SLC16A1: variants seen among roughly 807,000 people sequenced by gnomAD.
The protein encoded by SLC16A1 is monocarboxylate transporter 1.
SLC16A1 carries 11 observed loss-of-function variants against 32.2 expected under a neutral mutation model. The ratio of observed to expected loss-of-function variants is 0.34; its 90% CI spans 0.21 to 0.56. The LOEUF is 0.56. Ranked by LOEUF, SLC16A1 falls within the 20% of genes least tolerant of loss-of-function variation. The pLI is 0.87. For synonymous variants in SLC16A1, 231 were observed against 226.8 expected (o/e 1.02, Z -0.17); for missense variants, 435 against 615.0 (o/e 0.71, Z 3.10).
chr1:112,938,564 G>T (rs1473225849), intron 1 of SLC16A1, among the ~76,000 whole-genome samples: 2 of 152,114 alleles, frequency 1.3e-5, no homozygotes, highest in Non-Finnish European at 2.9e-5. Context: ...TGCATATAAA[G>T]AATCTTAAAA....
intron 1 of SLC16A1, among the ~76,000 whole-genome samples, chr1:112,943,706 T>C (rs1028126885): frequency 6.7e-6 from 1 of 149,116 alleles, no homozygotes; most frequent in African/African-American, 2.5e-5. Flanking sequence ...GAGAATCACT[T>C]GAACTCAGGA....
intron 1 of SLC16A1, chr1:112,955,813 G>C (rs1346728463): frequency 6.6e-6 from 1 of 152,280 alleles, no homozygotes; most frequent in African/African-American, 2.4e-5. Flanking sequence ...GGGGCCCGCG[G>C]CTCGGCTAAG....
intron 4 of SLC16A1, among the ~76,000 whole-genome samples, chr1:112,915,058 T>C (rs566600121): frequency 7.2e-5 from 11 of 152,344 alleles, no homozygotes; most frequent in Admixed American, 2.6e-4. Flanking sequence ...TGATTCCATA[T>C]GGCTTTCTAA....
At chr1:112,923,601 T>A in intron 2 of SLC16A1, 1 of 1,392,178 alleles carries the variant, frequency 7.2e-7, no homozygotes, top group Non-Finnish European at 1.0e-6. Flanking sequence ...GTTTGGGAAC[T>A]CCCTGAAACC....
At chr1:112,916,496 TAAAAAAAAAA>T (rs570173297) in intron 4 of SLC16A1, among the ~76,000 whole-genome samples, 1 of 61,200 alleles carries the variant, frequency 1.6e-5, no homozygotes, top group Non-Finnish European at 3.2e-5. Flanking sequence ...AAGACTGTCT[TAAAAAAAAAA>T]AAAAAAAAAA....
At chr1:112,932,371 C>T (rs758681996) in intron 1 of SLC16A1, among the ~76,000 whole-genome samples, 2 of 152,104 alleles carry the variant, frequency 1.3e-5, no homozygotes, top group Non-Finnish European at 2.9e-5. Context: ...CCTACCTCTA[C>T]ATAAATTGTT....
At chr1:112,922,789 C>T (rs1648784470) in intron 2 of SLC16A1, among the ~76,000 whole-genome samples, 1 of 152,024 alleles carries the variant, frequency 6.6e-6, no homozygotes, top group Non-Finnish European at 1.5e-5. Flanking sequence ...AACAAACAAA[C>T]AAAACAAAAA....
chr1:112,942,117 G>A (rs569542958), intron 1 of SLC16A1, among the ~76,000 whole-genome samples: 32 of 152,136 alleles, frequency 2.1e-4, no homozygotes, highest in African/African-American at 4.3e-4. Flanking sequence ...GATTACAGGC[G>A]CGTGCCACCA....
intron 2 of SLC16A1, chr1:112,922,372 G>C (rs1419163601): frequency 1.8e-6 from 1 of 544,482 alleles, no homozygotes; most frequent in African/African-American, 1.9e-5. Flanking sequence ...AAATACAAAA[G>C]ACCTGAAGTT....
At chr1:112,924,082 T>C in intron 2 of SLC16A1, 1 of 1,298,246 alleles carries the variant, frequency 7.7e-7, no homozygotes. Flanking sequence ...TTCGATGGCA[T>C]TGCCCTGGTA....
intron 1 of SLC16A1, among the ~76,000 whole-genome samples, chr1:112,950,078 T>C (rs551174292): frequency 1.4e-3 from 216 of 152,354 alleles, no homozygotes; most frequent in African/African-American, 5.0e-3. Flanking sequence ...CTAATACAAC[T>C]ATGGTTTGTT....
chr1:112,935,353 G>A (rs1649264448), intron 1 of SLC16A1, among the ~76,000 whole-genome samples: 1 of 152,022 alleles, frequency 6.6e-6, no homozygotes, highest in Admixed American at 6.6e-5. Flanking sequence ...AGGTTGCAGT[G>A]AGCTGAGATT....
intron 4 of SLC16A1, among the ~76,000 whole-genome samples, chr1:112,916,076 G>A (rs1165838205): frequency 3.3e-5 from 5 of 151,930 alleles, no homozygotes; most frequent in Admixed American, 2.0e-4. Context: ...ATGGACTTGT[G>A]AGATACAACA....
At chr1:112,931,644 CAAAAAAAA>C (rs561013159) in intron 1 of SLC16A1, among the ~76,000 whole-genome samples, 125 of 62,036 alleles carry the variant, frequency 2.0e-3, no homozygotes, top group Middle Eastern at 0.012. Context: ...TACTCTGTCT[CAAAAAAAA>C]AAAAAAAAAA....
At chr1:112,919,798 C>T (rs1648653202) in intron 3 of SLC16A1, among the ~76,000 whole-genome samples, 1 of 152,190 alleles carries the variant, frequency 6.6e-6, no homozygotes, top group Admixed American at 6.5e-5. Context: ...ATCTGGTTCC[C>T]TGTTGTTATG....
At chr1:112,930,336 A>G (rs965872310) in intron 1 of SLC16A1, among the ~76,000 whole-genome samples, 1 of 151,538 alleles carries the variant, frequency 6.6e-6, no homozygotes, top group Non-Finnish European at 1.5e-5. Context: ...GGGGAAAAAA[A>G]CCCCCACACT....
At chr1:112,954,325 C>T (rs954331624) in intron 1 of SLC16A1, among the ~76,000 whole-genome samples, 6 of 152,114 alleles carry the variant, frequency 3.9e-5, no homozygotes, top group Non-Finnish European at 8.8e-5. Context: ...TCAGGAGTGC[C>T]AATCTAACAA....
rs143404865 is a variant in SLC16A1, at chr1:112,922,810, G to T, written c.218-677C>A. 3.9e-5 allele frequency among the ~76,000 whole-genome samples: 6 copies of T among 152,250 alleles called. No homozygotes were observed. The East Asian group carries it at 7.7e-4, about 20-fold the overall frequency. ...CAAACAAAACAAAAACATGTTAGTA[G>T]AAAGTATGTTCTGTTTTAAATTTCA... is the stretch of plus-strand genomic sequence containing the variant. On this transcript the variant is annotated intron_variant, in intron 2 of 4. Coordinates refer to ENST00000369626, the MANE Select transcript of SLC16A1 (RefSeq NM_003051.4).
chr1:112,937,162 CCA>C (rs903310793), intron 1 of SLC16A1, among the ~76,000 whole-genome samples: 18 of 152,164 alleles, frequency 1.2e-4, no homozygotes, highest in African/African-American at 4.3e-4. Flanking sequence ...CATAGAACAC[CCA>C]CACACAGACA....
Sources: gnomAD v4.1 joint callset for allele counts (sites outside exome capture counted in the v4.1 genomes callset) on GRCh38, gnomAD v4.1.1 for gene constraint, MANE v1.5 for transcripts, NCBI Gene and HGNC (gene_info 2026-07-23, HGNC 2026-07-21) for gene names.